FBXO32: variants seen among roughly 807,000 people sequenced by gnomAD.
FBXO32 encodes F-box only protein 32.
A neutral mutation model predicts 48.3 loss-of-function variants in FBXO32; 15 were observed. That is an observed-to-expected ratio of 0.31 (90% confidence interval 0.21 to 0.48). FBXO32 has a LOEUF of 0.48. Among genes scored for constraint, FBXO32 ranks in the 20% least tolerant of loss-of-function variants. The pLI is 0.99. For missense variants in FBXO32, 309 were observed against 432.7 expected (o/e 0.71, Z 2.54); for synonymous variants, 154 against 165.9 (o/e 0.93, Z 0.55).
chr8:123,532,184 C>T, intron 3 of FBXO32, 194 bp from the exon 4 acceptor site: 1 of 1,370,282 alleles, frequency 7.3e-7, no homozygotes, highest in Non-Finnish European at 9.4e-7. Context: ...ACACAGCCAG[C>T]AGCTGCCTCA....
chr8:123,508,339 G>A (rs928921097), intron 6 of FBXO32, among the ~76,000 whole-genome samples: 1 of 152,176 alleles, frequency 6.6e-6, no homozygotes, highest in Non-Finnish European at 1.5e-5. Context: ...TAGGCACGAG[G>A]TGGGGAGGGA....
In FBXO32 at chr8:123,506,533, G is replaced by A; in HGVS notation, c.693C>T (p.Cys231=). The change falls in exon 7 of 9, where the codon TGC becomes TGT. Residue 231 remains cysteine (C), a synonymous_variant. Coordinates refer to ENST00000517956, the MANE Select transcript of FBXO32 (RefSeq NM_058229.4). The surrounding 1 kb of genome is among the most constrained non-coding windows in gnomAD (Gnocchi z 4.0). Reference sequence around the variant, plus strand: ...GCCTCTGCATGATGTTCAGTTGTAGGCACAAAGGCAGGTCAGTGAAGGTGA... The same window carrying A: ...GCCTCTGCATGATGTTCAGTTGTAGACACAAAGGCAGGTCAGTGAAGGTGA... ...KGLTFTDLPL[C]LQLNIMQRLS... 6.2e-7 allele frequency: 1 copy of A among 1,609,422 alleles called. No homozygotes were observed. The highest frequency in any genetic ancestry group is 8.5e-7 in the Non-Finnish European group (1 of 1,176,440).
chr8:123,514,035 G>T, intron 5 of FBXO32: 1 of 500,622 alleles, frequency 2.0e-6, no homozygotes, highest in Non-Finnish European at 3.5e-6. Flanking sequence ...GAAAGGACAG[G>T]AGGGTGATGG....
rs1396200542 is a variant in FBXO32 at position 123,540,467 on chromosome 8, TTGGGCGC to T, written c.116+425_116+431del. Among the ~76,000 whole-genome samples, 1 of 152,216 alleles carries T rather than the reference TTGGGCGC, an allele frequency of 6.6e-6. No homozygotes were observed. The highest frequency in any genetic ancestry group is 1.9e-4 in the East Asian group (1 of 5,184). ...CCGTCACCTGTCGCGTCCACAGCGC[TTGGGCGC>T]TGGGAGCCGGGCCACCCCGCGGTGA... is the stretch of plus-strand genomic sequence containing the variant. On this transcript the variant is annotated intron_variant, in intron 1 of 8. Coordinates refer to ENST00000517956, the MANE Select transcript of FBXO32 (RefSeq NM_058229.4). This position sits in a 1 kb window ranked among gnomAD's most constrained non-coding sequence, Gnocchi z 6.4.
intron 6 of FBXO32, among the ~76,000 whole-genome samples, chr8:123,510,852 A>T (rs1442952241): frequency 6.6e-6 from 1 of 152,242 alleles, no homozygotes; most frequent in Non-Finnish European, 1.5e-5. Context: ...ACAGAGACAG[A>T]AAAGTGCACA....
At chr8:123,505,126 C>A (rs1816588210) in intron 7 of FBXO32, among the ~76,000 whole-genome samples, 4 of 152,164 alleles carry the variant, frequency 2.6e-5, no homozygotes, top group Non-Finnish European at 5.9e-5. Context: ...AACTGCTTGG[C>A]ACCAGGGCTC....
intron 8 of FBXO32, among the ~76,000 whole-genome samples, chr8:123,503,776 A>C (rs1165596003): frequency 1.3e-5 from 2 of 152,192 alleles, no homozygotes; most frequent in Non-Finnish European, 2.9e-5. Flanking sequence ...GTAGTATATA[A>C]TAATCTATTG....
chr8:123,539,593 C>T (rs1486014464), intron 1 of FBXO32, among the ~76,000 whole-genome samples: 4 of 152,176 alleles, frequency 2.6e-5, no homozygotes, highest in Non-Finnish European at 4.4e-5. Context: ...GACAGACCCC[C>T]AGAATTAAAT....
rs1401028102 is a variant in FBXO32 at position 123,498,906 on chromosome 8, A to C, written c.*4467T>G. On this transcript the variant is annotated 3_prime_UTR_variant, in exon 9 of 9. Transcript: ENST00000517956. Reference sequence around the variant, plus strand: ...CATTAAGTGGCTCCTTAACTTCTCCAGTAAGAATCAGGGACTTGAAATGGA... The same window carrying C: ...CATTAAGTGGCTCCTTAACTTCTCCCGTAAGAATCAGGGACTTGAAATGGA... 6.6e-6 allele frequency: 1 copy of C among 152,230 alleles called. No homozygotes were observed. The highest frequency in any genetic ancestry group is 2.4e-5 in the African/African-American group (1 of 41,472). The allele number at this position is 152,230 out of a possible 1,614,324, so 9.4% of individuals were successfully genotyped here.
intron 2 of FBXO32, 63 bp from the exon 3 acceptor site, chr8:123,533,303 T>G: frequency 7.7e-7 from 1 of 1,305,274 alleles, no homozygotes; most frequent in South Asian, 1.2e-5. Flanking sequence ...TTAAGACATT[T>G]CATTTCATTT....
In FBXO32 at chr8:123,499,807, C is replaced by G. The variant is rs1048450386; in HGVS notation, c.*3566G>C. 1.3e-5 allele frequency: 2 copies of G among 152,172 alleles called. No individual in the cohort carries two copies. Among genetic ancestry groups the G allele is most frequent in the Non-Finnish European group, 2.9e-5 (2 of 68,044 alleles). 9.4% of individuals were successfully genotyped at this position (152,172 alleles called of 1,614,324 possible). On this transcript the variant is annotated 3_prime_UTR_variant, in exon 9 of 9. Transcript: ENST00000517956. ...AGGAGGCTGTTAGTAGCAAGCTCCT[C>G]ATGGGAAAGGGTATGTGAATCCACA...
At chr8:123,523,559 C>A (rs113067909) in intron 4 of FBXO32, among the ~76,000 whole-genome samples, 2,512 of 151,936 alleles carry the variant, frequency 0.017, 60 homozygotes, top group African/African-American at 0.056. Flanking sequence ...CACTGCACTC[C>A]AGCCTGGTGA....
intron 4 of FBXO32, among the ~76,000 whole-genome samples, chr8:123,517,571 T>A (rs560059628): frequency 6.6e-6 from 1 of 152,012 alleles, no homozygotes; most frequent in Non-Finnish European, 1.5e-5. Context: ...GGGTGACCTT[T>A]GTAACTGTCA....
In FBXO32 at chr8:123,532,180, C is replaced by G. The variant is rs142100909; in HGVS notation, c.280-190G>C. 125 of 1,365,388 alleles carry G rather than the reference C, an allele frequency of 9.2e-5. No homozygotes were observed. In the African/African-American group the frequency reaches 1.1e-3, roughly 12 times the overall value. The allele number at this position is 1,365,388 out of a possible 1,614,324, so 84.6% of individuals were successfully genotyped here. On this transcript the variant is annotated intron_variant, in intron 3 of 8. Transcript: ENST00000517956. ...AGAGCCACCAAGATGGGTAACACAG[C>G]CAGCAGCTGCCTCAGTCAGCCCCTC...
chr8:123,504,578 G>T, intron 8 of FBXO32, 26 bp downstream of exon 8: 1 of 1,603,172 alleles, frequency 6.2e-7, no homozygotes, highest in South Asian at 1.1e-5. Flanking sequence ...CTGGGGGTCT[G>T]TGGCAGCCAC....
chr8:123,520,420 C>T (rs958028163), intron 4 of FBXO32, among the ~76,000 whole-genome samples: 11 of 152,048 alleles, frequency 7.2e-5, no homozygotes, highest in South Asian at 2.1e-4. Flanking sequence ...TCTGCAGTGA[C>T]GAGCCGTGCA....
rs1230311896 is a variant in FBXO32, at chr8:123,540,459, C to A, written c.116+440G>T. Among the ~76,000 whole-genome samples, 1 of 152,246 alleles carries A rather than the reference C, an allele frequency of 6.6e-6. No homozygotes were observed. Among genetic ancestry groups the A allele is most frequent in the Non-Finnish European group, 1.5e-5 (1 of 68,044 alleles). Reference sequence around the variant, plus strand: ...GTCGGATCCCGTCACCTGTCGCGTCCACAGCGCTTGGGCGCTGGGAGCCGG... The same window carrying A: ...GTCGGATCCCGTCACCTGTCGCGTCAACAGCGCTTGGGCGCTGGGAGCCGG... On this transcript the variant is annotated intron_variant, in intron 1 of 8. Coordinates refer to ENST00000517956, the MANE Select transcript of FBXO32 (RefSeq NM_058229.4). The surrounding 1 kb of genome is among the most constrained non-coding windows in gnomAD (Gnocchi z 6.4).
At chr8:123,530,802 A>T (rs983312093) in intron 4 of FBXO32, among the ~76,000 whole-genome samples, 3 of 150,660 alleles carry the variant, frequency 2.0e-5, no homozygotes, top group African/African-American at 7.3e-5. Context: ...TATTTTTAGT[A>T]GAGACGGGGT....
chr8:123,523,634 CA>C (rs1048097076), intron 4 of FBXO32, among the ~76,000 whole-genome samples: 5 of 148,558 alleles, frequency 3.4e-5, no homozygotes, highest in African/African-American at 5.0e-5. Flanking sequence ...AACAAACAAA[CA>C]AAAAAAAGAA....
Sources: gnomAD v4.1 joint callset for allele counts (sites outside exome capture counted in the v4.1 genomes callset) on GRCh38, gnomAD v4.1.1 for gene constraint, Gnocchi (gnomAD v3.1) non-coding constraint, MANE v1.5 for transcripts, NCBI Gene and HGNC (gene_info 2026-07-23, HGNC 2026-07-21) for gene names.